The following HEATR5A variants were observed in gnomAD, a reference collection of about 807,000 sequenced individuals.
HEATR5A encodes the protein HEAT repeat containing 5A.
Under a neutral mutation model 218.8 loss-of-function variants are expected in HEATR5A, and 178 were observed. The ratio of observed to expected loss-of-function variants is 0.81; its 90% CI spans 0.72 to 0.92. HEATR5A has a LOEUF of 0.92. HEATR5A is among the 40% of genes least tolerant of loss of function. HEATR5A has a pLI of 0.00. For synonymous variants in HEATR5A, 864 were observed against 871.6 expected (o/e 0.99, Z 0.15); for missense variants, 2,420 against 2,418.9 (o/e 1.00, Z -0.01).
At chr14:31,324,093 C>A (rs897084686) in intron 23 of HEATR5A, among the ~76,000 whole-genome samples, 1 of 151,760 alleles carries the variant, frequency 6.6e-6, no homozygotes, top group East Asian at 1.9e-4. Context: ...TTTAAAAAAA[C>A]AAACAAACAC....
At chr14:31,374,002 A>C (rs1902133831) in intron 12 of HEATR5A, among the ~76,000 whole-genome samples, 1 of 152,152 alleles carries the variant, frequency 6.6e-6, no homozygotes, top group African/African-American at 2.4e-5. Context: ...TATATAATAT[A>C]TACAACATAC....
chr14:31,373,452 C>A (rs1280780449), intron 12 of HEATR5A, among the ~76,000 whole-genome samples: 1 of 151,804 alleles, frequency 6.6e-6, no homozygotes, highest in Non-Finnish European at 1.5e-5. Flanking sequence ...TCTTAGCCTC[C>A]CAAGTAGCTA....
At chr14:31,342,374 A>G (rs1187353192) in intron 21 of HEATR5A, among the ~76,000 whole-genome samples, 1 of 152,148 alleles carries the variant, frequency 6.6e-6, no homozygotes, top group East Asian at 1.9e-4. Context: ...ACAAAGTGAG[A>G]CTGTGCCTCT....
At position 31,387,237 on chromosome 14, in the gene HEATR5A, G is replaced by A. The variant is rs546115136; in HGVS notation, c.1072C>T (p.Arg358Cys). ...TQTQIDAVCC[R>C]RCVSFILRTT... Reference sequence around the variant, plus strand: ...CGAAGAATAAATGAAACACAACGGCGACAGCAGACGGCATCGATCTGAGTT... The same window carrying A: ...CGAAGAATAAATGAAACACAACGGCAACAGCAGACGGCATCGATCTGAGTT... Residue 358 changes from arginine (R) to cysteine (C), a missense_variant, in exon 8 of 36, where the codon CGC becomes TGC. Arg to Cys is a radical substitution (Grantham distance 180). Transcript: ENST00000543095. 47 of 1,613,916 alleles carry A rather than the reference G, an allele frequency of 2.9e-5. No individual in the cohort carries two copies. Among genetic ancestry groups the A allele is most frequent in the East Asian group, 2.2e-4 (10 of 44,874 alleles).
chr14:31,382,383 T>C (rs1387333584), intron 10 of HEATR5A, among the ~76,000 whole-genome samples: 1 of 152,216 alleles, frequency 6.6e-6, no homozygotes, highest in Non-Finnish European at 1.5e-5. Context: ...ATGGTGGATA[T>C]ACTATCAAAC....
chr14:31,398,982 T>G (rs1490079318), intron 3 of HEATR5A, among the ~76,000 whole-genome samples: 1 of 152,222 alleles, frequency 6.6e-6, no homozygotes, highest in Admixed American at 6.5e-5. Flanking sequence ...TTTTTGGTGC[T>G]GTGTCTAAGA....
At chr14:31,367,569 ATTTTTTTTTTTTT>A (rs567217496) in intron 13 of HEATR5A, among the ~76,000 whole-genome samples, 184 of 60,326 alleles carry the variant, frequency 3.1e-3, no homozygotes, top group East Asian at 0.027. Context: ...TGCCCAGCTA[ATTTTTTTTTTTTT>A]TTTTTTTTTT....
intron 16 of HEATR5A, among the ~76,000 whole-genome samples, chr14:31,355,299 G>C (rs2139225347): frequency 6.6e-6 from 1 of 152,068 alleles, no homozygotes; most frequent in South Asian, 2.1e-4. Flanking sequence ...TGTAGTCCCA[G>C]CTACTCGGGA....
intron 21 of HEATR5A, among the ~76,000 whole-genome samples, chr14:31,339,910 G>C (rs1900788859): frequency 6.6e-6 from 1 of 152,160 alleles, no homozygotes; most frequent in South Asian, 2.1e-4. Context: ...AAATCTACTA[G>C]TCATTTCAAC....
intron 22 of HEATR5A, among the ~76,000 whole-genome samples, chr14:31,331,594 T>C (rs572269961): frequency 6.6e-6 from 1 of 152,184 alleles, no homozygotes; most frequent in Non-Finnish European, 1.5e-5. Context: ...TTTATAGCAG[T>C]GCCCCACTCC....
intron 1 of HEATR5A, among the ~76,000 whole-genome samples, chr14:31,405,130 G>A (rs1259008317): frequency 1.3e-5 from 2 of 148,186 alleles, no homozygotes; most frequent in Non-Finnish European, 3.0e-5. Context: ...CACTTTTACA[G>A]AACAAAGAAT....
intron 11 of HEATR5A, among the ~76,000 whole-genome samples, chr14:31,376,095 T>C (rs1371655133): frequency 6.6e-6 from 1 of 152,236 alleles, no homozygotes; most frequent in Non-Finnish European, 1.5e-5. Context: ...CATCCACTTA[T>C]TAGTTGTGTA....
chr14:31,304,100 T>C (rs1362608107), intron 32 of HEATR5A, among the ~76,000 whole-genome samples: 5 of 151,972 alleles, frequency 3.3e-5, no homozygotes, highest in Non-Finnish European at 7.4e-5. Context: ...TCCTAACTAC[T>C]CAGGAGGCCA....
intron 14 of HEATR5A, among the ~76,000 whole-genome samples, chr14:31,359,933 T>A (rs1566767613): frequency 6.6e-6 from 1 of 152,016 alleles, no homozygotes; most frequent in East Asian, 1.9e-4. Flanking sequence ...TTCTCCACAT[T>A]ATTTTTAAGA....
intron 27 of HEATR5A, 136 bp downstream of exon 27, chr14:31,315,634 C>G: frequency 1.7e-6 from 1 of 603,834 alleles, no homozygotes; most frequent in Non-Finnish European, 2.8e-6. Flanking sequence ...AAATACATCA[C>G]ATGTTGGAAT....
chr14:31,291,971 G>A lies in HEATR5A; in HGVS notation c.*1334C>T, dbSNP rs150851644. The stretch of plus-strand genomic sequence containing the variant: ...AATTCTGACATGCTTCTATCACTTC[G>A]GTTTGTAATTTTTAAGAGGGAAATG... On this transcript the variant is annotated 3_prime_UTR_variant, in exon 36 of 36. Transcript: ENST00000543095. 4 of 152,136 alleles carry A rather than the reference G, an allele frequency of 2.6e-5. 1 individual carries two copies. The highest frequency in any genetic ancestry group is 1.9e-4 in the East Asian group (1 of 5,188). The allele number at this position is 152,136 out of a possible 1,614,324, so 9.4% of individuals were successfully genotyped here.
At chr14:31,396,933 A>T (rs1429594086) in intron 4 of HEATR5A, among the ~76,000 whole-genome samples, 1 of 152,210 alleles carries the variant, frequency 6.6e-6, no homozygotes, top group African/African-American at 2.4e-5. Flanking sequence ...AACCAGTGGA[A>T]TTAGGAGGAA....
rs753025326 is a variant in HEATR5A, at chr14:31,386,471, T to C, written c.1294A>G (p.Ile432Val). 3 of 1,613,770 alleles carry C rather than the reference T, an allele frequency of 1.9e-6. No homozygotes were observed. The African/African-American group carries it at 4.0e-5, about 22-fold the overall frequency. ...GCCGCTGTGGTGCCAAGATTGTGTA[T>C]GAGATTTCCAAGTTCTTGTAAAGCA... ...VCALQELGNL[I>V]HNLGTTAAPL... The change falls in exon 9 of 36, where the codon ATA becomes GTA. Residue 432 changes from isoleucine to valine, a missense_variant. By Grantham distance (29) the Ile-to-Val change is conservative. Transcript: ENST00000543095.
Position 31,365,304 on chromosome 14 carries a change from T to C in HEATR5A, c.1962-1006A>G, listed in dbSNP as rs547102479. ...CTGCTAAACTGTTATGGCATGAGGT[T>C]TCCTGGTTCTCTAAGAAATTCTGGC... On this transcript the variant is annotated intron_variant, in intron 13 of 35. Coordinates refer to ENST00000543095, the MANE Select transcript of HEATR5A (RefSeq NM_015473.4). Among the ~76,000 whole-genome samples, 15 of 152,314 alleles carry C rather than the reference T, an allele frequency of 9.8e-5. No homozygotes were observed. In the East Asian group the frequency reaches 2.7e-3, roughly 27 times the overall value.
Sources: gnomAD v4.1 joint callset for allele counts (sites outside exome capture counted in the v4.1 genomes callset) on GRCh38, gnomAD v4.1.1 for gene constraint, MANE v1.5 for transcripts, NCBI Gene and HGNC (gene_info 2026-07-23, HGNC 2026-07-21) for gene names.